ANO4: variants seen among roughly 807,000 people sequenced by gnomAD.
ANO4 encodes the protein anoctamin-4.
In ANO4, 69 loss-of-function variants were observed where a neutral mutation model predicts 141.9. The observed-to-expected ratio is 0.49, with a 90% CI of 0.40 to 0.59. The LOEUF (loss-of-function observed/expected upper bound fraction) is 0.59, where lower values mean the gene tolerates loss of function less well. ANO4 is among the 20% of genes least tolerant of loss of function. The pLI, the probability that ANO4 is intolerant of heterozygous loss-of-function variation, is 0.00. For synonymous variants in ANO4, 350 were observed against 394.3 expected (o/e 0.89, Z 1.33); for missense variants, 894 against 1,162.2 (o/e 0.77, Z 3.36).
At position 101,086,637 on chromosome 12, in the gene ANO4, C is replaced by T. The variant is rs202127921; in HGVS notation, c.1537-23C>T. ...TGTAACATTCCACCAAGAGGTTCAC[C>T]GGGTGTCTTGTCTTCCTGCCAGATC... On this transcript the variant is annotated intron_variant, in intron 16 of 27. Transcript: ENST00000392977. The T allele has an allele frequency of 2.7e-5, 44 of 1,612,310 alleles. No homozygotes were observed. The East Asian group carries it at 5.3e-4, about 20-fold the overall frequency.
At chr12:100,760,158 A>C (rs1282188341) in intron 3 of ANO4, among the ~76,000 whole-genome samples, 1 of 152,156 alleles carries the variant, frequency 6.6e-6, no homozygotes, top group Non-Finnish European at 1.5e-5. Context: ...TTGATCCTAA[A>C]GGAACACTGG....
chr12:101,105,557 T>C (rs1395877502), intron 22 of ANO4, among the ~76,000 whole-genome samples: 1 of 152,164 alleles, frequency 6.6e-6, no homozygotes, highest in Non-Finnish European at 1.5e-5. Context: ...TCTACATGTG[T>C]GGCATACAAT....
At chr12:100,996,313 T>G (rs932295016) in intron 8 of ANO4, among the ~76,000 whole-genome samples, 1 of 152,196 alleles carries the variant, frequency 6.6e-6, no homozygotes, top group Non-Finnish European at 1.5e-5. Context: ...AATAACAAAA[T>G]GACATAGTTC....
chr12:100,804,174 T>G (rs2034858913), intron 1 of ANO4, among the ~76,000 whole-genome samples: 1 of 152,172 alleles, frequency 6.6e-6, no homozygotes, highest in South Asian at 2.1e-4. Flanking sequence ...ATCATTGAGC[T>G]CCCACTTATA....
intron 5 of ANO4, among the ~76,000 whole-genome samples, chr12:100,945,743 T>C (rs983795718): frequency 6.6e-6 from 1 of 152,336 alleles, no homozygotes; most frequent in African/African-American, 2.4e-5. Context: ...TTCAGAATCA[T>C]GTGAAACATT....
intron 1 of ANO4, among the ~76,000 whole-genome samples, chr12:100,731,269 TTAATA>T (rs1412016405): frequency 6.6e-6 from 1 of 152,240 alleles, no homozygotes; most frequent in Non-Finnish European, 1.5e-5. Context: ...TTGCAACTAT[TTAATA>T]TGACTCTTGT....
intron 26 of ANO4, among the ~76,000 whole-genome samples, chr12:101,121,753 CTTTTT>C (rs71091478): frequency 0.04 from 4,452 of 110,290 alleles, 290 homozygotes; most frequent in African/African-American, 0.16. Context: ...AATTTGTTTA[CTTTTT>C]TTTTTTTTTT....
At chr12:100,843,093 A>T (rs1463288747) in intron 1 of ANO4, among the ~76,000 whole-genome samples, 1 of 152,136 alleles carries the variant, frequency 6.6e-6, no homozygotes, top group Non-Finnish European at 1.5e-5. Context: ...ATAGCATAGC[A>T]ATTGAGACCA....
At chr12:100,853,299 T>C (rs2037981999) in intron 1 of ANO4, among the ~76,000 whole-genome samples, 1 of 152,196 alleles carries the variant, frequency 6.6e-6, no homozygotes, top group South Asian at 2.1e-4. Context: ...TTTAATATTA[T>C]ATAATTTACC....
At chr12:100,929,897 T>C (rs1006552760) in intron 3 of ANO4, among the ~76,000 whole-genome samples, 1 of 152,166 alleles carries the variant, frequency 6.6e-6, no homozygotes, top group African/African-American at 2.4e-5. Flanking sequence ...AGATTTCTCA[T>C]TGTAGTTTTT....
chr12:100,801,778 C>G (rs971994230), intron 1 of ANO4, among the ~76,000 whole-genome samples: 8 of 151,708 alleles, frequency 5.3e-5, no homozygotes, highest in African/African-American at 1.9e-4. Context: ...GTGGAAAATG[C>G]AAGGAAAGAT....
At position 101,091,231 on chromosome 12, in the gene ANO4, G is replaced by A. The variant is rs543142588; in HGVS notation, c.1702-3025G>A. 1.3e-4 allele frequency among the ~76,000 whole-genome samples: 20 copies of A among 152,268 alleles called. No individual in the cohort carries two copies. The East Asian group carries it at 3.7e-3, about 28-fold the overall frequency. On this transcript the variant is annotated intron_variant, in intron 17 of 27. Coordinates refer to ENST00000392977, the MANE Select transcript of ANO4 (RefSeq NM_001286615.2). ...TAACGCAAGAATACTGATGAGAACAGGGAATGACAAGCCATAGCAAAGAGA... is the reference window on the plus strand; with the variant it reads ...TAACGCAAGAATACTGATGAGAACAAGGAATGACAAGCCATAGCAAAGAGA...
intron 5 of ANO4, among the ~76,000 whole-genome samples, chr12:100,963,608 AAAG>A (rs1318344087): frequency 2.0e-5 from 3 of 152,140 alleles, no homozygotes; most frequent in Non-Finnish European, 4.4e-5. Context: ...CCCTAAGGGA[AAAG>A]AATAACAGAT....
At chr12:101,104,417 G>T (rs1276863273) in intron 22 of ANO4, among the ~76,000 whole-genome samples, 1 of 150,850 alleles carries the variant, frequency 6.6e-6, no homozygotes. Context: ...GATTTTATTA[G>T]CAAAACATTT....
At chr12:101,009,044 A>G (rs1168137723) in intron 8 of ANO4, among the ~76,000 whole-genome samples, 2 of 152,110 alleles carry the variant, frequency 1.3e-5, no homozygotes, top group Non-Finnish European at 2.9e-5. Context: ...TTTTGCGATC[A>G]TGCATACTGT....
In ANO4 at chr12:101,099,727, A is replaced by G. The variant is rs920595162; in HGVS notation, c.2149+7A>G. The G allele has an allele frequency of 1.3e-6, 2 of 1,551,378 alleles. No homozygotes were observed. The highest frequency in any genetic ancestry group is 2.8e-5 in the African/African-American group (2 of 71,902). On this transcript the variant is annotated splice_region_variant and intron_variant, in intron 22 of 27. Transcript: ENST00000392977. ...GATGAATACTTAGAAATGAGTATGG[A>G]AATATTCTACTTTATCTTATTAATT...
At chr12:100,921,248 T>C (rs1304805702) in intron 2 of ANO4, among the ~76,000 whole-genome samples, 1 of 152,150 alleles carries the variant, frequency 6.6e-6, no homozygotes, top group Admixed American at 6.6e-5. Flanking sequence ...TAATAGAATA[T>C]TAAGTTACCT....
intron 1 of ANO4, among the ~76,000 whole-genome samples, chr12:100,881,256 C>T (rs1260293005): frequency 6.6e-6 from 1 of 150,936 alleles, no homozygotes; most frequent in Non-Finnish European, 1.5e-5. Flanking sequence ...GCACGTTGTG[C>T]ACATGTACCC....
At chr12:100,789,461 A>T (rs766099295) in intron 3 of ANO4, among the ~76,000 whole-genome samples, 1 of 152,250 alleles carries the variant, frequency 6.6e-6, no homozygotes, top group African/African-American at 2.4e-5. Flanking sequence ...TTATAAAGCA[A>T]TGATGACAAC....
Sources: allele counts gnomAD v4.1 joint callset (sites outside exome capture counted in the v4.1 genomes callset), GRCh38; gene constraint gnomAD v4.1.1; transcripts MANE v1.5; gene names NCBI Gene and HGNC (gene_info 2026-07-23, HGNC 2026-07-21).